The following PPP6R1 variants were observed in gnomAD, a reference collection of about 807,000 sequenced individuals.
The protein encoded by PPP6R1 is protein phosphatase 6 regulatory subunit 1.
PPP6R1 carries 39 observed loss-of-function variants against 104.6 expected under a neutral mutation model. The ratio of observed to expected loss-of-function variants is 0.37; its 90% confidence interval spans 0.29 to 0.49. PPP6R1 has a LOEUF of 0.49. Among genes scored for constraint, PPP6R1 ranks in the 20% least tolerant of loss-of-function variants. The pLI is 0.98. For synonymous variants in PPP6R1, 549 were observed against 479.0 expected (o/e 1.15, Z -1.91); for missense variants, 1,181 against 1,155.8 (o/e 1.02, Z -0.32).
rs117665933 is a variant in PPP6R1, at chr19:55,257,948, G to C, written c.-7+487C>G. 6.7e-3 allele frequency among the ~76,000 whole-genome samples: 1,025 copies of C among 152,366 alleles called. 2 individuals carry two copies. The highest frequency in any genetic ancestry group is 0.01 in the Non-Finnish European group (710 of 68,042). Reference sequence around the variant, plus strand: ...AGAAGCCGGAGGCGGGAGAGGGTCGGTCAAGGTGAAAACAAGCCCCGCTCC... The same window carrying C: ...AGAAGCCGGAGGCGGGAGAGGGTCGCTCAAGGTGAAAACAAGCCCCGCTCC... On this transcript the variant is annotated intron_variant, in intron 1 of 23. Coordinates refer to ENST00000412770, the MANE Select transcript of PPP6R1 (RefSeq NM_014931.4).
rs115964163 is a variant in PPP6R1 at position 55,233,396 on chromosome 19, A to T, written c.1989-1185T>A. 1.4e-3 allele frequency among the ~76,000 whole-genome samples: 215 copies of T among 152,320 alleles called. 2 individuals carry two copies. Among genetic ancestry groups the T allele is most frequent in the African/African-American group, 4.0e-3 (166 of 41,566 alleles). ...GCTTCCCCCTAAGATCAGGAACAAA[A>T]CAAGGATGCCTGTTCTTGCCACTTC... On this transcript the variant is annotated intron_variant, in intron 17 of 23. Transcript: ENST00000412770.
At chr19:55,233,453 C>A (rs1004679818) in intron 17 of PPP6R1, among the ~76,000 whole-genome samples, 1 of 152,132 alleles carries the variant, frequency 6.6e-6, no homozygotes, top group African/African-American at 2.4e-5. Context: ...CTAGCCAGGG[C>A]AACCAGGCAA....
chr19:55,241,725 GGTCT>G lies in PPP6R1; in HGVS notation c.846-90_846-87del. ...GTAGGCACAAGGACCACGTCTGCAG[GGTCT>G]GGAGGAAAACGAGGAGCCACATGCC... is the stretch of plus-strand genomic sequence containing the variant. On this transcript the variant is annotated intron_variant, in intron 7 of 23. Transcript: ENST00000412770. This position sits in a 1 kb window ranked among gnomAD's most constrained non-coding sequence, Gnocchi z 5.4. 1 of 1,414,212 alleles carries G rather than the reference GGTCT, an allele frequency of 7.1e-7. No homozygotes were observed. The highest frequency in any genetic ancestry group is 9.4e-7 in the Non-Finnish European group (1 of 1,064,438). The allele number at this position is 1,414,212 out of a possible 1,614,324, so 87.6% of individuals were successfully genotyped here. A position where few individuals can be genotyped will look rare whatever the true frequency, so the allele number is the denominator to read the frequency against.
In PPP6R1 at chr19:55,258,713, T is replaced by G. The variant is rs2087615839; in HGVS notation, c.-285A>C. 6.7e-6 allele frequency: 1 copy of G among 149,752 alleles called. No individual in the cohort carries two copies. Among genetic ancestry groups the G allele is most frequent in the Non-Finnish European group, 1.5e-5 (1 of 67,406 alleles). 9.3% of individuals were successfully genotyped at this position (149,752 alleles called of 1,614,324 possible). ...CTAGTCCGCGTAGGCACCTCCGGGG[T>G]CCGCAGGCGAGGTGGGCGTGCGGGC... On this transcript the variant is annotated 5_prime_UTR_variant, in exon 1 of 24. Coordinates refer to ENST00000412770, the MANE Select transcript of PPP6R1 (RefSeq NM_014931.4).
intron 17 of PPP6R1, 26 bp from the exon 18 acceptor site, chr19:55,232,237 T>A (rs1674199031): frequency 1.3e-6 from 2 of 1,526,228 alleles, no homozygotes; most frequent in Admixed American, 2.0e-5. Context: ...CCTCGTCAGC[T>A]AGCTGTGTGG....
At chr19:55,240,155 C>A in intron 11 of PPP6R1, 41 bp from the exon 12 acceptor site, 1 of 1,561,178 alleles carries the variant, frequency 6.4e-7, no homozygotes, top group Non-Finnish European at 8.7e-7. Flanking sequence ...CAGGACTGGA[C>A]CCAGGGATGC....
At position 55,230,171 on chromosome 19, in the gene PPP6R1, G is replaced by A. The variant is rs143043518; in HGVS notation, c.*357C>T. ...CCCTAACACCAGCTCCCGCTGGGAC[G>A]GAACAGGGAAGGCTGTGCTTTGGAG... On this transcript the variant is annotated 3_prime_UTR_variant, in exon 24 of 24. Coordinates refer to ENST00000412770, the MANE Select transcript of PPP6R1 (RefSeq NM_014931.4). 8.7e-4 allele frequency: 222 copies of A among 254,634 alleles called. 2 individuals are homozygous for A. In the Middle Eastern group the frequency reaches 0.012, roughly 14 times the overall value. The allele number at this position is 254,634 out of a possible 1,614,324, so 15.8% of individuals were successfully genotyped here. A position where few individuals can be genotyped will look rare whatever the true frequency, so the allele number is the denominator to read the frequency against.
At position 55,231,792 on chromosome 19, in the gene PPP6R1, C is replaced by G; in HGVS notation, c.2306+10G>C. 1 of 1,496,318 alleles carries G rather than the reference C, an allele frequency of 6.7e-7. No individual in the cohort carries two copies. Among genetic ancestry groups the G allele is most frequent in the East Asian group, 2.3e-5 (1 of 42,778 alleles). 92.7% of individuals were successfully genotyped at this position (1,496,318 alleles called of 1,614,324 possible). On this transcript the variant is annotated intron_variant, in intron 19 of 23. Transcript: ENST00000412770. Reference sequence around the variant, plus strand: ...CCAGCACCATTTAGCCCGTTCCATCCGGTTCTCACCTGAGCTGCAGGGCGT... The same window carrying G: ...CCAGCACCATTTAGCCCGTTCCATCGGGTTCTCACCTGAGCTGCAGGGCGT...
intron 19 of PPP6R1, 41 bp downstream of exon 19, chr19:55,231,761 G>C: frequency 6.7e-7 from 1 of 1,491,810 alleles, no homozygotes; most frequent in Non-Finnish European, 8.9e-7. Flanking sequence ...TCCTGGCCTC[G>C]GGATACCAGC....
chr19:55,239,772 G>A, intron 13 of PPP6R1, 54 bp downstream of exon 13: 2 of 1,597,792 alleles, frequency 1.3e-6, no homozygotes, highest in Non-Finnish European at 1.7e-6. Flanking sequence ...GGCTAAGACT[G>A]GCCCAAGAGA....
rs561529421 is a variant in PPP6R1, at chr19:55,242,418, T to C, written c.689A>G (p.Gln230Arg). ...RLSREQMIQV[Q>R]DSPEPDQLLA... The stretch of plus-strand genomic sequence containing the variant: ...CAGTTGGTCAGGCTCTGGGCTGTCC[T>C]GGACTTGGATCATCTGCTCCCGGCT... Residue 230 changes from glutamine (Q) to arginine (R), a missense_variant, in exon 6 of 24, where the codon CAG becomes CGG. Coordinates refer to ENST00000412770, the MANE Select transcript of PPP6R1 (RefSeq NM_014931.4). The C allele has an allele frequency of 1.2e-6, 2 of 1,613,998 alleles. No homozygotes were observed. The highest frequency in any genetic ancestry group is 2.2e-5 in the South Asian group (2 of 91,084).
At chr19:55,237,634 T>C (rs2087411375) in intron 15 of PPP6R1, among the ~76,000 whole-genome samples, 1 of 152,240 alleles carries the variant, frequency 6.6e-6, no homozygotes, top group South Asian at 2.1e-4. Context: ...CAGTTAATTC[T>C]TAAAGGACAC....
At position 55,230,862 on chromosome 19, in the gene PPP6R1, A is replaced by G. The variant is rs757661524; in HGVS notation, c.2482T>C (p.Ser828Pro). The G allele has an allele frequency of 1.9e-6, 3 of 1,607,148 alleles. No individual in the cohort carries two copies. Among genetic ancestry groups the G allele is most frequent in the East Asian group, 2.2e-5 (1 of 44,848 alleles). Residue 828 changes from serine to proline, a missense_variant, in exon 22 of 24, where the codon TCT becomes CCT. Coordinates refer to ENST00000412770, the MANE Select transcript of PPP6R1 (RefSeq NM_014931.4). The stretch of plus-strand genomic sequence containing the variant: ...TGGTGGGCCCCGGAGGCTGGGACAG[A>G]GGTAGAGGGGTCTCTGGTTGCACTG... ...SDSATRDPST[S>P]VPASGAHQPP...
In PPP6R1 at chr19:55,245,240, C is replaced by T. The variant is rs954933476; in HGVS notation, c.552+25G>A. 1 of 1,600,922 alleles carries T rather than the reference C, an allele frequency of 6.2e-7. No homozygotes were observed. The highest frequency in any genetic ancestry group is 8.5e-7 in the Non-Finnish European group (1 of 1,174,092). ...CTGTCCACCACGCCCAGCCCCCCAC[C>T]CCCAGAGGAGCCGGCCCTGCTCACA... On this transcript the variant is annotated intron_variant, in intron 4 of 23. Transcript: ENST00000412770. This position sits in a 1 kb window ranked among gnomAD's most constrained non-coding sequence, Gnocchi z 6.4.
rs1302268054 is a variant in PPP6R1, at chr19:55,245,073, G to A, written c.618+47C>T. On this transcript the variant is annotated intron_variant, in intron 5 of 23. Transcript: ENST00000412770. This position sits in a 1 kb window ranked among gnomAD's most constrained non-coding sequence, Gnocchi z 6.4. Reference sequence around the variant, plus strand: ...TTTTAAAAGTGGGGAAGTGGGCATGGGGAAGGAACTCTAAGGGGAATCCGC... The same window carrying A: ...TTTTAAAAGTGGGGAAGTGGGCATGAGGAAGGAACTCTAAGGGGAATCCGC... 6.2e-7 allele frequency: 1 copy of A among 1,601,786 alleles called. No homozygotes were observed. Among genetic ancestry groups the A allele is most frequent in the Middle Eastern group, 1.7e-4 (1 of 5,954 alleles).
intron 17 of PPP6R1, among the ~76,000 whole-genome samples, chr19:55,234,624 T>A (rs1479327969): frequency 3.9e-5 from 6 of 151,996 alleles, no homozygotes; most frequent in Non-Finnish European, 7.3e-5. Context: ...CAACAACACG[T>A]GCAAGGGTAT....
rs1008412072 is a variant in PPP6R1, at chr19:55,247,026, C to T, written c.78G>A (p.Glu26=). The change falls in exon 2 of 24, where the codon GAG becomes GAA. Residue 26 remains glutamate, a synonymous_variant. Transcript: ENST00000412770. ...GCAGCACGTCTTCCTCGTCCAGCAG[C>T]TCGGGCAGGCTCAGGTCCTCCCGCT... ...LLEREDLSLP[E]LLDEEDVLQE... is the part of the protein sequence containing the mutation. 6.2e-7 allele frequency: 1 copy of T among 1,613,778 alleles called. No individual in the cohort carries two copies. Among genetic ancestry groups the T allele is most frequent in the Non-Finnish European group, 8.5e-7 (1 of 1,179,894 alleles).
rs1160475095 is a variant in PPP6R1 at position 55,258,487 on chromosome 19, C to T, written c.-59G>A. The stretch of plus-strand genomic sequence containing the variant: ...ACTCGGGGCTCATCGGGGCGCCCCC[C>T]CCCGCCCCGCCGCCGGCGGCTCCGG... On this transcript the variant is annotated 5_prime_UTR_variant, in exon 1 of 24. Coordinates refer to ENST00000412770, the MANE Select transcript of PPP6R1 (RefSeq NM_014931.4). 1 of 149,586 alleles carries T rather than the reference C, an allele frequency of 6.7e-6. No individual in the cohort carries two copies. Among genetic ancestry groups the T allele is most frequent in the Admixed American group, 6.6e-5 (1 of 15,090 alleles). 9.3% of individuals were successfully genotyped at this position (149,586 alleles called of 1,614,324 possible).
intron 1 of PPP6R1, among the ~76,000 whole-genome samples, chr19:55,257,572 C>T (rs553770112): frequency 6.7e-6 from 1 of 148,346 alleles, no homozygotes; most frequent in South Asian, 2.1e-4. Context: ...GCTGCTCCTT[C>T]CCCCCCCGGA....
Sources: allele counts gnomAD v4.1 joint callset (sites outside exome capture counted in the v4.1 genomes callset), GRCh38; gene constraint gnomAD v4.1.1; non-coding constraint Gnocchi (gnomAD v3.1); transcripts MANE v1.5; gene names NCBI Gene and HGNC (gene_info 2026-07-23, HGNC 2026-07-21).